Variants in SEMA5B observed in about 807,000 individuals in gnomAD.
SEMA5B encodes the protein semaphorin 5B.
A neutral mutation model predicts 135.0 loss-of-function variants in SEMA5B; 66 were observed. That is an observed-to-expected ratio of 0.49 (90% CI 0.40 to 0.60). SEMA5B has a LOEUF of 0.60. Ranked by LOEUF, SEMA5B falls within the 20% of genes least tolerant of loss-of-function variation. SEMA5B has a pLI of 0.00. For missense variants in SEMA5B, 1,501 were observed against 1,566.3 expected, an observed-to-expected ratio of 0.96 and a Z score of 0.70; for synonymous variants, 690 against 639.5, an observed-to-expected ratio of 1.08 and a Z score of -1.19.
chr3:122,998,723 G>C (rs921987052), intron 1 of SEMA5B, among the ~76,000 whole-genome samples: 15 of 152,106 alleles, frequency 9.9e-5, no homozygotes, highest in Admixed American at 5.2e-4. Flanking sequence ...GGAGCCTGGG[G>C]CTCTTTGTTC....
chr3:122,954,970 G>GTTTT (rs56870893), intron 2 of SEMA5B, among the ~76,000 whole-genome samples: 1 of 141,820 alleles, frequency 7.1e-6, no homozygotes, highest in African/African-American at 2.6e-5. Flanking sequence ...TTTGTTTTTT[G>GTTTT]TTTTTTTTTT....
intron 9 of SEMA5B, 61 bp downstream of exon 9, chr3:122,926,331 C>T: frequency 6.6e-7 from 1 of 1,507,210 alleles, no homozygotes; most frequent in South Asian, 1.3e-5. Context: ...GCCCACCAGG[C>T]CATGAGGCCA....
intron 1 of SEMA5B, among the ~76,000 whole-genome samples, chr3:122,967,465 G>A (rs1940913871): frequency 6.6e-6 from 1 of 152,208 alleles, no homozygotes; most frequent in Non-Finnish European, 1.5e-5. Context: ...CAGACTGGCT[G>A]TTAATGGTTC....
Position 122,961,165 on chromosome 3 carries a change from C to T in SEMA5B, c.99G>A (p.Gly33=). The T allele has an allele frequency of 6.2e-7, 1 of 1,613,364 alleles. No homozygotes were observed. Among genetic ancestry groups the T allele is most frequent in the Non-Finnish European group, 8.5e-7 (1 of 1,179,568 alleles). The change falls in exon 2 of 23, where the codon GGG becomes GGA. Residue 33 remains glycine, a synonymous_variant. Coordinates refer to ENST00000357599, the MANE Select transcript of SEMA5B (RefSeq NM_001031702.4). ...AQQLRCGWTV[G]GWLLSLVRGL... Reference sequence around the variant, plus strand: ...CCCTGACCAGTGAGAGAAGCCAGCCCCCTACTGTCCATCCACACCTTAGCT... The same window carrying T: ...CCCTGACCAGTGAGAGAAGCCAGCCTCCTACTGTCCATCCACACCTTAGCT...
chr3:122,964,478 G>C (rs1408555622), intron 1 of SEMA5B, among the ~76,000 whole-genome samples: 1 of 152,210 alleles, frequency 6.6e-6, no homozygotes, highest in Admixed American at 6.5e-5. Flanking sequence ...TGCACATCTA[G>C]ATTTATGTGA....
At chr3:122,982,949 T>C (rs1941568628) in intron 1 of SEMA5B, among the ~76,000 whole-genome samples, 1 of 152,080 alleles carries the variant, frequency 6.6e-6, no homozygotes, top group South Asian at 2.1e-4. Context: ...AGAGTCACTC[T>C]CTCCGACCGG....
At chr3:122,997,392 C>T (rs1156779840) in intron 1 of SEMA5B, among the ~76,000 whole-genome samples, 1 of 152,066 alleles carries the variant, frequency 6.6e-6, no homozygotes, top group Admixed American at 6.5e-5. Context: ...CCTCCTCTGC[C>T]CCTCTCCAGA....
intron 1 of SEMA5B, chr3:122,976,179 G>A: frequency 6.6e-7 from 1 of 1,517,832 alleles, no homozygotes; most frequent in South Asian, 1.2e-5. Context: ...GCAGATGCAA[G>A]AAGTGCTTCT....
At chr3:122,998,916 A>G (rs1392938783) in intron 1 of SEMA5B, among the ~76,000 whole-genome samples, 1 of 152,246 alleles carries the variant, frequency 6.6e-6, no homozygotes, top group East Asian at 1.9e-4. Flanking sequence ...ATTGACTTAT[A>G]GACTTTGAGG....
chr3:122,976,831 C>G lies in SEMA5B; in HGVS notation c.-38-15530G>C, dbSNP rs148633716. 5.2e-3 allele frequency among the ~76,000 whole-genome samples: 787 copies of G among 152,314 alleles called. 13 individuals are homozygous for G. The highest frequency in any genetic ancestry group is 0.01 in the Middle Eastern group (3 of 294). ...TTGGAAGGCCAAGGCGGGCAGATCA[C>G]TTGAGGTCAGGAGTTCGAGACCAGC... On this transcript the variant is annotated intron_variant, in intron 1 of 22. Coordinates refer to ENST00000357599, the MANE Select transcript of SEMA5B (RefSeq NM_001031702.4).
At chr3:122,994,179 G>A (rs969885397) in intron 1 of SEMA5B, among the ~76,000 whole-genome samples, 2 of 151,960 alleles carry the variant, frequency 1.3e-5, no homozygotes, top group Non-Finnish European at 2.9e-5. Context: ...TAACAAGAGC[G>A]AGTGGTAACT....
At chr3:122,918,665 G>A (rs1192349183) in intron 12 of SEMA5B, among the ~76,000 whole-genome samples, 1 of 152,226 alleles carries the variant, frequency 6.6e-6, no homozygotes, top group Non-Finnish European at 1.5e-5. Context: ...AAGTCCCAGA[G>A]AAGAAAGAGG....
chr3:122,964,227 T>C (rs938106544), intron 1 of SEMA5B, among the ~76,000 whole-genome samples: 3 of 152,194 alleles, frequency 2.0e-5, no homozygotes, highest in African/African-American at 7.2e-5. Flanking sequence ...CTCTGTCTTC[T>C]CCTATAGGCA....
chr3:122,998,043 T>C (rs750394176), intron 1 of SEMA5B, among the ~76,000 whole-genome samples: 2 of 152,202 alleles, frequency 1.3e-5, no homozygotes, highest in East Asian at 3.8e-4. Context: ...GTGATGTACC[T>C]GGCTGAGGCA....
chr3:123,003,370 C>T (rs1203393678), intron 1 of SEMA5B, among the ~76,000 whole-genome samples: 1 of 152,084 alleles, frequency 6.6e-6, no homozygotes. Flanking sequence ...TAACCCAAAA[C>T]CCAATTCAAT....
chr3:123,006,478 T>C (rs1310910467), intron 1 of SEMA5B, among the ~76,000 whole-genome samples: 2 of 152,190 alleles, frequency 1.3e-5, no homozygotes, highest in Non-Finnish European at 2.9e-5. Context: ...AAATAAACAC[T>C]GAACACATTC....
chr3:122,911,010 A>AGAT lies in SEMA5B; in HGVS notation c.3124_3126dup (p.Ile1042dup). The AGAT allele has an allele frequency of 2.5e-6, 4 of 1,613,788 alleles. No individual in the cohort carries two copies. The highest frequency in any genetic ancestry group is 3.4e-6 in the Non-Finnish European group (4 of 1,179,818). ...AGGAGCCCAGAGCCCAAGAAGCAGG[A>AGAT]GATGCCCGTGGCCACCAAGTGGATG... On this transcript the variant is annotated inframe_insertion, in exon 22 of 23. Coordinates refer to ENST00000357599, the MANE Select transcript of SEMA5B (RefSeq NM_001031702.4).
In SEMA5B at chr3:122,912,932, G is replaced by A. The variant is rs548945722; in HGVS notation, c.2636C>T (p.Thr879Met). Residue 879 changes from threonine to methionine, a missense_variant, in exon 18 of 23, where the codon ACG (threonine) becomes ATG (methionine). Transcript: ENST00000357599. ...CELGFRVRKR[T>M]CTNPEPRNGG... Reference sequence around the variant, plus strand: ...GTTGCGGGGCTCCGGGTTAGTGCACGTTCTCTTGCGGACGCGGAAGCCCAG... The same window carrying A: ...GTTGCGGGGCTCCGGGTTAGTGCACATTCTCTTGCGGACGCGGAAGCCCAG... The A allele has an allele frequency of 1.6e-5, 26 of 1,612,860 alleles. No homozygotes were observed. Among genetic ancestry groups the A allele is most frequent in the African/African-American group, 5.3e-5 (4 of 75,042 alleles).
At chr3:122,980,986 T>C (rs188479179) in intron 1 of SEMA5B, among the ~76,000 whole-genome samples, 1 of 152,358 alleles carries the variant, frequency 6.6e-6, no homozygotes, top group African/African-American at 2.4e-5. Flanking sequence ...GTAGCATGTA[T>C]CCTTAAATTA....
Sources: allele counts gnomAD v4.1 joint callset (sites outside exome capture counted in the v4.1 genomes callset), GRCh38; gene constraint gnomAD v4.1.1; transcripts MANE v1.5; gene names NCBI Gene and HGNC (gene_info 2026-07-23, HGNC 2026-07-21).